The following RTN1 variants were observed in gnomAD, a reference collection of about 807,000 sequenced individuals.
RTN1 encodes reticulon 1.
RTN1 carries 25 observed loss-of-function variants against 65.5 expected under a neutral mutation model. That is an observed-to-expected ratio of 0.38 (90% CI 0.28 to 0.53). The LOEUF is 0.53. RTN1 is among the 20% of genes least tolerant of loss of function. The pLI, the probability that RTN1 is intolerant of heterozygous loss-of-function variation, is 0.79. For synonymous variants in RTN1, 471 were observed against 447.6 expected, an observed-to-expected ratio of 1.05 and a Z score of -0.66; for missense variants, 983 against 1,025.4, an observed-to-expected ratio of 0.96 and a Z score of 0.57.
At chr14:59,720,020 C>T (rs1448356082) in intron 3 of RTN1, among the ~76,000 whole-genome samples, 2 of 152,198 alleles carry the variant, frequency 1.3e-5, no homozygotes, top group East Asian at 3.9e-4. Flanking sequence ...TGATCAATGC[C>T]CTACTGCATG....
At chr14:59,842,572 T>C (rs1353549548) in intron 1 of RTN1, among the ~76,000 whole-genome samples, 1 of 152,130 alleles carries the variant, frequency 6.6e-6, no homozygotes, top group Non-Finnish European at 1.5e-5. Flanking sequence ...AGGAGCCCAG[T>C]TGCAAAGGGT....
At chr14:59,630,722 G>A (rs1379711570) in intron 3 of RTN1, 5 of 1,120,136 alleles carry the variant, frequency 4.5e-6, no homozygotes, top group Non-Finnish European at 5.4e-6. Context: ...CCCCGGAGCC[G>A]CCTGCGCGCA....
intron 3 of RTN1, among the ~76,000 whole-genome samples, chr14:59,667,480 T>C (rs1883404297): frequency 6.6e-6 from 1 of 152,028 alleles, no homozygotes; most frequent in African/African-American, 2.4e-5. Context: ...AGAGATATTT[T>C]TGACAGACCC....
At chr14:59,655,288 T>G (rs1883100595) in intron 3 of RTN1, among the ~76,000 whole-genome samples, 1 of 152,184 alleles carries the variant, frequency 6.6e-6, no homozygotes, top group African/African-American at 2.4e-5. Flanking sequence ...TACAAGATAC[T>G]GTTGAAAGAA....
chr14:59,730,840 G>T (rs922856708), intron 2 of RTN1, among the ~76,000 whole-genome samples: 1 of 152,104 alleles, frequency 6.6e-6, no homozygotes, highest in Non-Finnish European at 1.5e-5. Flanking sequence ...TAATCAAAAA[G>T]CCAGATAAAA....
intron 1 of RTN1, among the ~76,000 whole-genome samples, chr14:59,778,298 A>T (rs1886091522): frequency 6.6e-6 from 1 of 152,204 alleles, no homozygotes; most frequent in African/African-American, 2.4e-5. Context: ...GGGACCATGT[A>T]TGCTTTTTCT....
At chr14:59,862,434 T>G (rs1034158633) in intron 1 of RTN1, among the ~76,000 whole-genome samples, 1 of 152,182 alleles carries the variant, frequency 6.6e-6, no homozygotes, top group South Asian at 2.1e-4. Context: ...TGCTTCTCAG[T>G]AATAGTACCC....
chr14:59,706,999 T>G lies in RTN1; in HGVS notation c.1765+19920A>C, dbSNP rs1181893500. 3.3e-5 allele frequency among the ~76,000 whole-genome samples: 5 copies of G among 152,302 alleles called. No homozygotes were observed. The East Asian group carries it at 9.6e-4, about 29-fold the overall frequency. On this transcript the variant is annotated intron_variant, in intron 3 of 8. Coordinates refer to ENST00000267484, the MANE Select transcript of RTN1 (RefSeq NM_021136.3). The stretch of plus-strand genomic sequence containing the variant: ...CTGGAGAAAAGTTTCTTTGTTACTC[T>G]CCAAGGAACTTAACTAAGAATCAGA...
At chr14:59,805,476 G>C (rs1290253844) in intron 1 of RTN1, among the ~76,000 whole-genome samples, 1 of 152,128 alleles carries the variant, frequency 6.6e-6, no homozygotes, top group Non-Finnish European at 1.5e-5. Flanking sequence ...ATTCTGATTG[G>C]AACTGAACCA....
intron 1 of RTN1, among the ~76,000 whole-genome samples, chr14:59,819,592 C>T (rs1886899878): frequency 6.6e-6 from 1 of 151,978 alleles, no homozygotes; most frequent in African/African-American, 2.4e-5. Flanking sequence ...TTCTGCGCTG[C>T]GCGACCACTG....
rs67657505 is a variant in RTN1, at chr14:59,748,210, G to GTTTTTTT, written c.242-1736_242-1730dup. On this transcript the variant is annotated intron_variant, in intron 1 of 8. Coordinates refer to ENST00000267484, the MANE Select transcript of RTN1 (RefSeq NM_021136.3). ...TGCCCCGATTAAGTCAGTCTGTGAG[G>GTTTTTTT]TTTTTTTTTTTTTTTTTTCCGGGAA... is the stretch of plus-strand genomic sequence containing the variant. 2.8e-4 allele frequency among the ~76,000 whole-genome samples: 35 copies of GTTTTTTT among 125,962 alleles called. 1 individual carries two copies. Among genetic ancestry groups the GTTTTTTT allele is most frequent in the Non-Finnish European group, 4.3e-4 (26 of 60,604 alleles). 82.6% of individuals were successfully genotyped at this position (125,962 alleles called of 152,430 possible). A position where few individuals can be genotyped will look rare whatever the true frequency, so the allele number is the denominator to read the frequency against.
intron 3 of RTN1, among the ~76,000 whole-genome samples, chr14:59,679,847 T>A (rs1883708506): frequency 1.3e-5 from 2 of 152,174 alleles, no homozygotes; most frequent in African/African-American, 4.8e-5. Context: ...ACAGAACAAT[T>A]TGAACCTTGC....
chr14:59,818,895 G>A (rs1005707822), intron 1 of RTN1, among the ~76,000 whole-genome samples: 1 of 152,204 alleles, frequency 6.6e-6, no homozygotes, highest in Non-Finnish European at 1.5e-5. Flanking sequence ...CTGGTGGGTT[G>A]TTGGTCTTGC....
intron 3 of RTN1, among the ~76,000 whole-genome samples, chr14:59,698,640 T>C (rs995902919): frequency 1.3e-5 from 2 of 152,204 alleles, no homozygotes; most frequent in Non-Finnish European, 2.9e-5. Flanking sequence ...CGTGACTTGC[T>C]CTTCCTTGCA....
intron 3 of RTN1, among the ~76,000 whole-genome samples, chr14:59,698,550 C>T: frequency 6.6e-6 from 1 of 152,212 alleles, no homozygotes; most frequent in East Asian, 1.9e-4. Flanking sequence ...GTGAATAAGT[C>T]TCATGAGATC....
intron 1 of RTN1, among the ~76,000 whole-genome samples, chr14:59,765,365 A>C (rs1885830285): frequency 6.6e-6 from 1 of 152,232 alleles, no homozygotes; most frequent in African/African-American, 2.4e-5. Flanking sequence ...TCCATCTTGA[A>C]GGATGTGGAG....
At chr14:59,780,503 G>C (rs1275714901) in intron 1 of RTN1, among the ~76,000 whole-genome samples, 1 of 152,156 alleles carries the variant, frequency 6.6e-6, no homozygotes, top group South Asian at 2.1e-4. Flanking sequence ...CATTCCGGAG[G>C]AAGTCAAAGC....
Position 59,812,862 on chromosome 14 carries a change from G to A in RTN1, c.241+57528C>T, listed in dbSNP as rs908972125. Among the ~76,000 whole-genome samples, 4 of 152,156 alleles carry A rather than the reference G, an allele frequency of 2.6e-5. No individual in the cohort carries two copies. The South Asian group carries it at 8.3e-4, about 31-fold the overall frequency. The stretch of plus-strand genomic sequence containing the variant: ...GCACAATCTTTCAATAATTTGCAAC[G>A]AAATGGAGAGTGGTCAAGAAAATCT... On this transcript the variant is annotated intron_variant, in intron 1 of 8. Transcript: ENST00000267484.
chr14:59,624,892 A>AACCT (rs1882351954), intron 3 of RTN1, among the ~76,000 whole-genome samples: 3 of 152,256 alleles, frequency 2.0e-5, no homozygotes, highest in Admixed American at 6.5e-5. Context: ...GAAAAGTGTT[A>AACCT]TTCTGAAAGC....
Sources: allele counts gnomAD v4.1 joint callset (sites outside exome capture counted in the v4.1 genomes callset), GRCh38; gene constraint gnomAD v4.1.1; transcripts MANE v1.5; gene names NCBI Gene and HGNC (gene_info 2026-07-23, HGNC 2026-07-21).